The following PHLDB3 variants were observed in gnomAD, a reference collection of about 807,000 sequenced individuals.
The protein encoded by PHLDB3 is pleckstrin homology-like domain family B member 3.
A neutral mutation model predicts 85.7 loss-of-function variants in PHLDB3; 86 were observed. The observed-to-expected ratio is 1.00, with a 90% CI of 0.84 to 1.20. PHLDB3 has a LOEUF of 1.20. Ranked by LOEUF, PHLDB3 falls within the 50% of genes most tolerant of loss-of-function variation. PHLDB3 has a pLI of 0.00. For synonymous variants in PHLDB3, 376 were observed against 349.8 expected (o/e 1.07, Z -0.83); for missense variants, 995 against 873.0 (o/e 1.14, Z -1.76).
In PHLDB3 at chr19:43,486,621, C is replaced by A. The variant is rs1367712712; in HGVS notation, c.1416G>T (p.Leu472=). The change falls in exon 12 of 16, where the codon CTG becomes CTT. Residue 472 remains leucine, a synonymous_variant. Transcript: ENST00000292140. The part of the protein sequence containing the change: ...LQQAMAERER[L]LKAREGTRRG... ...CCTGGGCTCTCACCCGGGCCTTGAG[C>A]AGCCGCTCCCTCTCCGCCATGGCCT... 2 of 1,613,340 alleles carry A rather than the reference C, an allele frequency of 1.2e-6. No homozygotes were observed. The highest frequency in any genetic ancestry group is 1.7e-6 in the Non-Finnish European group (2 of 1,179,712).
chr19:43,501,665 C>T (rs996008898), intron 4 of PHLDB3, 69 bp downstream of exon 4: 84 of 1,545,400 alleles, frequency 5.4e-5, no homozygotes, highest in Non-Finnish European at 5.7e-5. Context: ...GCGCAGGTGG[C>T]TAGGAGCACA....
intron 9 of PHLDB3, among the ~76,000 whole-genome samples, chr19:43,493,141 T>TTACAG (rs1971358771): frequency 6.6e-6 from 1 of 151,828 alleles, no homozygotes; most frequent in African/African-American, 2.4e-5. Flanking sequence ...TAGCCAGGCT[T>TTACAG]GGTGGCGCAT....
intron 2 of PHLDB3, 89 bp downstream of exon 2, chr19:43,503,817 G>C: frequency 6.8e-7 from 1 of 1,473,922 alleles, no homozygotes; most frequent in Admixed American, 1.8e-5. Flanking sequence ...CTGTCTTTCT[G>C]GTTTCCCTCT....
chr19:43,491,987 G>T (rs1253004244), intron 9 of PHLDB3, among the ~76,000 whole-genome samples: 1 of 132,914 alleles, frequency 7.5e-6, no homozygotes, highest in East Asian at 2.2e-4. Context: ...ACAGAGTCTC[G>T]CTCTGTCACC....
At chr19:43,496,608 A>C (rs1264190654) in intron 6 of PHLDB3, 1 of 154,588 alleles carries the variant, frequency 6.5e-6, no homozygotes. Flanking sequence ...CCCTGTCTCT[A>C]CTAAAAATAC....
In PHLDB3 at chr19:43,497,160, G is replaced by A. The variant is rs1419581910; in HGVS notation, c.783C>T (p.Asp261=). ...DRDSPGPQVP[D]PKVQELQASM... is the part of the protein sequence containing the mutation. ...TGGCCTGGAGTTCCTGGACCTTGGG[G>A]TCTGGCACCTGGGGCCCAGGGCTGT... Residue 261 remains aspartate, a synonymous_variant, in exon 6 of 16, where the codon GAC becomes GAT. Transcript: ENST00000292140. 2.6e-6 allele frequency: 4 copies of A among 1,556,928 alleles called. No individual in the cohort carries two copies. In the African/African-American group the frequency reaches 4.2e-5, roughly 16 times the overall value.
At chr19:43,479,715 A>G (rs951918633) in intron 13 of PHLDB3, 122 bp from the exon 14 acceptor site, 2 of 665,684 alleles carry the variant, frequency 3.0e-6, no homozygotes, top group East Asian at 2.7e-5. Flanking sequence ...TTTAGAGGGT[A>G]ATATTAACTA....
At chr19:43,502,736 A>G (rs909723964) in intron 2 of PHLDB3, among the ~76,000 whole-genome samples, 1 of 150,654 alleles carries the variant, frequency 6.6e-6, no homozygotes, top group African/African-American at 2.5e-5. Context: ...GATTACAGGC[A>G]TAAGCCACCG....
chr19:43,484,489 C>T (rs903238844), intron 13 of PHLDB3, among the ~76,000 whole-genome samples: 2 of 151,376 alleles, frequency 1.3e-5, no homozygotes, highest in African/African-American at 4.8e-5. Flanking sequence ...ACACAGATCA[C>T]CTGAGGTCAG....
At chr19:43,486,970 G>A in intron 10 of PHLDB3, 54 bp downstream of exon 10, 2 of 1,482,464 alleles carry the variant, frequency 1.3e-6, no homozygotes, top group Non-Finnish European at 1.8e-6. Flanking sequence ...TCCATCCTCT[G>A]CTGCAGGATG....
rs1294985909 is a variant in PHLDB3 at position 43,499,492 on chromosome 19, A to C, written c.535-1616T>G. 3.3e-5 allele frequency among the ~76,000 whole-genome samples: 5 copies of C among 152,092 alleles called. No individual in the cohort carries two copies. In the East Asian group the frequency reaches 9.7e-4, roughly 29 times the overall value. ...CCGAGATTTCTGGATCTGGGTGAGA[A>C]GGGAGTATGAAGTAGCCAGTACCCT... On this transcript the variant is annotated intron_variant, in intron 4 of 15. Transcript: ENST00000292140.
intron 2 of PHLDB3, among the ~76,000 whole-genome samples, chr19:43,503,569 A>G (rs1464082709): frequency 6.6e-6 from 1 of 151,806 alleles, no homozygotes; most frequent in South Asian, 2.1e-4. Context: ...GGCCTCCCCA[A>G]GTGCTGGGAT....
intron 13 of PHLDB3, 87 bp downstream of exon 13, chr19:43,486,179 G>A: frequency 4.2e-6 from 6 of 1,443,916 alleles, no homozygotes; most frequent in South Asian, 3.0e-5. Context: ...TTGGAGGAGA[G>A]GAAAGGGTCA....
At position 43,502,266 on chromosome 19, in the gene PHLDB3, C is replaced by A. The variant is rs1380548426; in HGVS notation, c.231G>T (p.Pro77=). 3 of 1,561,488 alleles carry A rather than the reference C, an allele frequency of 1.9e-6. No homozygotes were observed. The highest frequency in any genetic ancestry group is 2.6e-6 in the Non-Finnish European group (3 of 1,157,102). Residue 77 remains proline (P), a synonymous_variant, in exon 3 of 16, where the codon CCG becomes CCT. Transcript: ENST00000292140. The part of the protein sequence containing the change: ...SSRDAPEATP[P]IAMAATPPAS... ...CGGGAGGTGTGGCCGCCATAGCTAT[C>A]GGAGGCGTAGCCTCGGGCTGAAGTT...
intron 8 of PHLDB3, 147 bp from the exon 9 acceptor site, chr19:43,494,962 A>C: frequency 1.5e-6 from 1 of 662,498 alleles, no homozygotes; most frequent in Non-Finnish European, 2.6e-6. Flanking sequence ...CTTCGTGTCC[A>C]GTCTCCCAAT....
chr19:43,492,312 C>G (rs1971338544), intron 9 of PHLDB3, among the ~76,000 whole-genome samples: 1 of 152,020 alleles, frequency 6.6e-6, no homozygotes. Flanking sequence ...GTCTTGAACT[C>G]CTGTCCTCAA....
At chr19:43,499,948 C>T (rs2145948436) in intron 4 of PHLDB3, among the ~76,000 whole-genome samples, 1 of 152,160 alleles carries the variant, frequency 6.6e-6, no homozygotes, top group East Asian at 1.9e-4. Flanking sequence ...ATCATGTTGG[C>T]CAGGCTGGCC....
rs186119830 is a variant in PHLDB3 at position 43,503,162 on chromosome 19, T to G, written c.213+744A>C. Among the ~76,000 whole-genome samples, 21 of 152,294 alleles carry G rather than the reference T, an allele frequency of 1.4e-4. No individual in the cohort carries two copies. The East Asian group carries it at 2.1e-3, about 15-fold the overall frequency. On this transcript the variant is annotated intron_variant, in intron 2 of 15. Coordinates refer to ENST00000292140, the MANE Select transcript of PHLDB3 (RefSeq NM_198850.4). ...TAGTCTCACTGTGTCTCTGTCTTTT[T>G]GGGGTCTTTGTCTCTCAGTCTCCAT... is the stretch of plus-strand genomic sequence containing the variant.
chr19:43,498,550 C>A (rs147954678), intron 4 of PHLDB3, among the ~76,000 whole-genome samples: 136 of 152,248 alleles, frequency 8.9e-4, no homozygotes, highest in African/African-American at 3.2e-3. Flanking sequence ...AAAACATATT[C>A]ATGTTATGTG....
Sources: allele counts gnomAD v4.1 joint callset (sites outside exome capture counted in the v4.1 genomes callset), GRCh38; gene constraint gnomAD v4.1.1; transcripts MANE v1.5; gene names NCBI Gene and HGNC (gene_info 2026-07-23, HGNC 2026-07-21).